PRKCA: variants seen among roughly 807,000 people sequenced by gnomAD.
PRKCA encodes the protein protein kinase C alpha.
Under a neutral mutation model 87.0 loss-of-function variants are expected in PRKCA, and 27 were observed. The observed-to-expected ratio is 0.31, with a 90% CI of 0.23 to 0.43. PRKCA has a LOEUF of 0.43. Ranked by LOEUF, PRKCA falls within the 20% of genes least tolerant of loss-of-function variation. The pLI, the probability that PRKCA is intolerant of heterozygous loss-of-function variation, is 1.00. For synonymous variants in PRKCA, 329 were observed against 311.1 expected, an observed-to-expected ratio of 1.06 and a Z score of -0.61; for missense variants, 518 against 852.3, an observed-to-expected ratio of 0.61 and a Z score of 4.88.
chr17:66,784,680 TAGGC>T (rs1428869573), intron 14 of PRKCA, among the ~76,000 whole-genome samples: 2 of 152,256 alleles, frequency 1.3e-5, no homozygotes, highest in African/African-American at 4.8e-5. Flanking sequence ...TGCGTGCTGT[TAGGC>T]AGGGAAGATA....
At chr17:66,672,348 GA>G (rs1049804142) in intron 5 of PRKCA, among the ~76,000 whole-genome samples, 59 of 152,092 alleles carry the variant, frequency 3.9e-4, no homozygotes, top group Admixed American at 5.2e-4. Flanking sequence ...AATAACCATG[GA>G]AAAAAAATTT....
At chr17:66,431,107 A>G (rs1913075743) in intron 2 of PRKCA, among the ~76,000 whole-genome samples, 1 of 152,198 alleles carries the variant, frequency 6.6e-6, no homozygotes, top group African/African-American at 2.4e-5. Context: ...GTGTACCACT[A>G]ATGACTAGCT....
At chr17:66,361,276 T>C (rs1908374531) in intron 2 of PRKCA, among the ~76,000 whole-genome samples, 1 of 152,060 alleles carries the variant, frequency 6.6e-6, no homozygotes, top group Non-Finnish European at 1.5e-5. Flanking sequence ...TCAGTTGATC[T>C]CTCTCCTTTG....
At chr17:66,343,775 G>T (rs1907189459) in intron 2 of PRKCA, among the ~76,000 whole-genome samples, 2 of 152,114 alleles carry the variant, frequency 1.3e-5, no homozygotes, top group Non-Finnish European at 2.9e-5. Flanking sequence ...ACAATAGGAT[G>T]GATGGCAATC....
intron 3 of PRKCA, among the ~76,000 whole-genome samples, chr17:66,590,449 G>A (rs1484546057): frequency 1.3e-5 from 2 of 152,060 alleles, no homozygotes; most frequent in Non-Finnish European, 2.9e-5. Flanking sequence ...AAGAGTGCTC[G>A]GCCACTGTGA....
intron 13 of PRKCA, among the ~76,000 whole-genome samples, chr17:66,770,832 C>T (rs1044192649): frequency 2.0e-5 from 3 of 151,998 alleles, no homozygotes; most frequent in South Asian, 4.2e-4. Flanking sequence ...TTGGTGAAGG[C>T]GATGAGTTTG....
chr17:66,751,416 G>A (rs1207115732), intron 13 of PRKCA, among the ~76,000 whole-genome samples: 1 of 152,164 alleles, frequency 6.6e-6, no homozygotes, highest in Non-Finnish European at 1.5e-5. Context: ...GCCATCCACG[G>A]CCAGTTGCCA....
At chr17:66,774,914 A>G (rs1462911303) in intron 14 of PRKCA, 2 of 985,444 alleles carry the variant, frequency 2.0e-6, no homozygotes, top group South Asian at 4.7e-5. Flanking sequence ...GCTTTCTCTT[A>G]TGATGTGACA....
intron 3 of PRKCA, among the ~76,000 whole-genome samples, chr17:66,548,864 C>T (rs887934581): frequency 4.0e-5 from 6 of 151,508 alleles, no homozygotes; most frequent in Non-Finnish European, 8.8e-5. Context: ...AGTGTAGTGG[C>T]GCAATCACAG....
intron 5 of PRKCA, among the ~76,000 whole-genome samples, chr17:66,664,068 A>G (rs1191783780): frequency 6.6e-6 from 1 of 151,890 alleles, no homozygotes; most frequent in Non-Finnish European, 1.5e-5. Flanking sequence ...GGGTTTCGCC[A>G]TGTTGGCCGG....
chr17:66,638,890 G>C (rs553497907), intron 3 of PRKCA, among the ~76,000 whole-genome samples: 1 of 152,158 alleles, frequency 6.6e-6, no homozygotes, highest in South Asian at 2.1e-4. Context: ...ATGTGGCTTA[G>C]GGTTTAGGTT....
At chr17:66,709,754 A>T (rs16960083) in intron 8 of PRKCA, among the ~76,000 whole-genome samples, 10,150 of 151,650 alleles carry the variant, frequency 0.067, 375 homozygotes, top group South Asian at 0.14. Flanking sequence ...GTTGTGTGGC[A>T]TTCAGTCAAC....
At chr17:66,640,795 G>C (rs1971271617) in intron 3 of PRKCA, 2 of 334,698 alleles carry the variant, frequency 6.0e-6, no homozygotes, top group Non-Finnish European at 1.2e-5. Context: ...AGAAGTAATA[G>C]CTTTGGTGGA....
At chr17:66,495,015 T>C (rs988673490) in intron 2 of PRKCA, among the ~76,000 whole-genome samples, 2 of 151,774 alleles carry the variant, frequency 1.3e-5, no homozygotes, top group Non-Finnish European at 2.9e-5. Context: ...GGCAGGAGGA[T>C]TTCTTGAACC....
At chr17:66,643,111 G>A (rs1971352455) in intron 4 of PRKCA, among the ~76,000 whole-genome samples, 1 of 152,104 alleles carries the variant, frequency 6.6e-6, no homozygotes, top group African/African-American at 2.4e-5. Context: ...GTTCTGCAAG[G>A]GCTTACAACT....
At chr17:66,744,024 AT>A (rs1974216210) in intron 13 of PRKCA, among the ~76,000 whole-genome samples, 2 of 151,450 alleles carry the variant, frequency 1.3e-5, no homozygotes. Context: ...CTAATACAAC[AT>A]TTTGCATCTA....
intron 16 of PRKCA, among the ~76,000 whole-genome samples, chr17:66,800,106 A>C (rs1975866754): frequency 6.6e-6 from 1 of 152,224 alleles, no homozygotes; most frequent in African/African-American, 2.4e-5. Context: ...TCAGTGGTTC[A>C]GTTTCTACTG....
intron 3 of PRKCA, among the ~76,000 whole-genome samples, chr17:66,541,860 T>C (rs1372446659): frequency 1.3e-5 from 2 of 152,238 alleles, no homozygotes; most frequent in African/African-American, 4.8e-5. Flanking sequence ...TGCATGCCTC[T>C]CAGTTATCAC....
intron 16 of PRKCA, among the ~76,000 whole-genome samples, chr17:66,795,567 A>G (rs991494546): frequency 5.3e-5 from 8 of 152,218 alleles, no homozygotes; most frequent in Admixed American, 3.9e-4. Flanking sequence ...TTTTCTGCTT[A>G]GCAGAGAAAT....
Sources: gnomAD v4.1 joint callset for allele counts (sites outside exome capture counted in the v4.1 genomes callset) on GRCh38, gnomAD v4.1.1 for gene constraint, MANE v1.5 for transcripts, NCBI Gene and HGNC (gene_info 2026-07-23, HGNC 2026-07-21) for gene names.